The following NAV2 variants were observed in gnomAD, a reference collection of about 807,000 sequenced individuals.
The protein encoded by NAV2 is neuron navigator 2.
A neutral mutation model predicts 223.2 loss-of-function variants in NAV2; 54 were observed. The ratio of observed to expected loss-of-function variants is 0.24; its 90% CI spans 0.19 to 0.30. NAV2 has a LOEUF of 0.30. Ranked by LOEUF, NAV2 falls within the 10% of genes least tolerant of loss-of-function variation. The pLI is 1.00. For synonymous variants in NAV2, 1,279 were observed against 1,239.3 expected (o/e 1.03, Z -0.67); for missense variants, 2,806 against 3,147.5 (o/e 0.89, Z 2.60).
In NAV2 at chr11:19,944,602, C is replaced by A. The variant is rs139749333; in HGVS notation, c.2147-1799C>A. 2.1e-3 allele frequency among the ~76,000 whole-genome samples: 291 copies of A among 139,792 alleles called. 2 individuals carry two copies. The highest frequency in any genetic ancestry group is 7.2e-3 in the African/African-American group (273 of 37,710). 91.7% of individuals were successfully genotyped at this position (139,792 alleles called of 152,430 possible). ...TCCATTTCCATTTTCCTTTCCTTTC[C>A]TTTCTTTCTTCTTTCTTTTTCTTTT... is the stretch of plus-strand genomic sequence containing the variant. On this transcript the variant is annotated intron_variant, in intron 8 of 37. Coordinates refer to ENST00000349880, the MANE Select transcript of NAV2 (RefSeq NM_145117.5).
rs1314069268 is a variant in NAV2, at chr11:20,120,075, T to C, written c.*1817T>C. 1 of 152,210 alleles carries C rather than the reference T, an allele frequency of 6.6e-6. No homozygotes were observed. The highest frequency in any genetic ancestry group is 2.4e-5 in the African/African-American group (1 of 41,452). The allele number at this position is 152,210 out of a possible 1,614,324, so 9.4% of individuals were successfully genotyped here. A position where few individuals can be genotyped will look rare whatever the true frequency, so the allele number is the denominator to read the frequency against. On this transcript the variant is annotated 3_prime_UTR_variant, in exon 38 of 38. Transcript: ENST00000349880. ...TCCTTATTGGACACCAGTGAAGGTG[T>C]CTCTGTTTTAATGATCAGGGTTTTT...
intron 10 of NAV2, among the ~76,000 whole-genome samples, chr11:19,956,831 C>A (rs2047926264): frequency 6.6e-6 from 1 of 152,158 alleles, no homozygotes; most frequent in Non-Finnish European, 1.5e-5. Flanking sequence ...GCCTTACTGT[C>A]TCCTTACTGT....
At chr11:20,114,409 C>T in intron 36 of NAV2, 183 bp from the exon 37 acceptor site, 1 of 618,990 alleles carries the variant, frequency 1.6e-6, no homozygotes, top group South Asian at 1.9e-5. Context: ...ATGCTGCCTT[C>T]AGCCTTAGCA....
At chr11:19,544,518 A>G (rs763181562) in intron 1 of NAV2, among the ~76,000 whole-genome samples, 1 of 152,156 alleles carries the variant, frequency 6.6e-6, no homozygotes, top group Non-Finnish European at 1.5e-5. Flanking sequence ...TATTCCACAC[A>G]TGGGAAATTA....
chr11:19,346,280 G>C (rs189977326), upstream of NAV2, among the ~76,000 whole-genome samples: 75 of 152,264 alleles, frequency 4.9e-4, 1 homozygote, highest in East Asian at 0.014. Flanking sequence ...TGCTTGTGTC[G>C]GTCTGTGCCT....
chr11:19,432,441 G>T (rs1431985544), intron 1 of NAV2, among the ~76,000 whole-genome samples: 1 of 152,206 alleles, frequency 6.6e-6, no homozygotes, highest in Admixed American at 6.5e-5. Context: ...TAAGGGAAAA[G>T]ATCATATTCT....
intron 1 of NAV2, among the ~76,000 whole-genome samples, chr11:19,765,698 G>A (rs2055169912): frequency 6.6e-6 from 1 of 152,018 alleles, no homozygotes; most frequent in African/African-American, 2.4e-5. Flanking sequence ...TGGCTGTTTG[G>A]GGGCACACTG....
chr11:19,976,770 C>T (rs2049796959), intron 10 of NAV2, among the ~76,000 whole-genome samples: 1 of 152,194 alleles, frequency 6.6e-6, no homozygotes, highest in Non-Finnish European at 1.5e-5. Context: ...GCTGGTGCCC[C>T]TTCAACTGTG....
At chr11:20,029,243 A>G (rs2245449) in intron 11 of NAV2, among the ~76,000 whole-genome samples, 3,246 of 152,286 alleles carry the variant, frequency 0.021, 108 homozygotes, top group African/African-American at 0.074. Flanking sequence ...AGAAGAGAAG[A>G]CTGGGGCCTG....
At chr11:19,716,813 A>T (rs1006227256) in intron 1 of NAV2, among the ~76,000 whole-genome samples, 2 of 152,250 alleles carry the variant, frequency 1.3e-5, no homozygotes, top group Admixed American at 6.5e-5. Flanking sequence ...AAATCCTTAT[A>T]TATCACTTTC....
chr11:19,852,181 TAA>T (rs1483156389), intron 3 of NAV2, among the ~76,000 whole-genome samples: 1 of 152,236 alleles, frequency 6.6e-6, no homozygotes, highest in African/African-American at 2.4e-5. Flanking sequence ...TTTAAGCCAC[TAA>T]GTTTGTGGTT....
intron 11 of NAV2, among the ~76,000 whole-genome samples, chr11:19,985,450 C>T (rs2050696114): frequency 6.6e-6 from 1 of 152,136 alleles, no homozygotes; most frequent in South Asian, 2.1e-4. Flanking sequence ...AAAGGCCTTC[C>T]ACTAGGGTTC....
At chr11:19,672,176 G>T (rs998067253) in intron 1 of NAV2, among the ~76,000 whole-genome samples, 1 of 152,204 alleles carries the variant, frequency 6.6e-6, no homozygotes, top group Non-Finnish European at 1.5e-5. Context: ...GAGTTGCCGA[G>T]CATGCTTCCA....
chr11:19,870,500 C>T (rs1197825281), intron 4 of NAV2, among the ~76,000 whole-genome samples: 1 of 152,108 alleles, frequency 6.6e-6, no homozygotes, highest in Non-Finnish European at 1.5e-5. Flanking sequence ...CTCTGCAGGC[C>T]TGCTTCATCC....
rs192176214 is a variant in NAV2 at position 19,413,431 on chromosome 11, G to A, written c.75+62404G>A. Reference sequence around the variant, plus strand: ...CAAGAAATATGGGACTATGTGAAAAGACCAAACCTACGTTTGATTGGTGTA... The same window carrying A: ...CAAGAAATATGGGACTATGTGAAAAAACCAAACCTACGTTTGATTGGTGTA... On this transcript the variant is annotated intron_variant, in intron 1 of 37. Coordinates refer to the NAV2 transcript ENST00000360655. 7.3e-4 allele frequency among the ~76,000 whole-genome samples: 111 copies of A among 152,270 alleles called. 1 individual carries two copies. The highest frequency in any genetic ancestry group is 2.6e-3 in the African/African-American group (110 of 41,564).
chr11:19,487,382 C>A (rs1417187208), intron 1 of NAV2, among the ~76,000 whole-genome samples: 3 of 152,144 alleles, frequency 2.0e-5, no homozygotes, highest in Non-Finnish European at 4.4e-5. Flanking sequence ...TCCAATGATC[C>A]CTGCCTCCAG....
chr11:19,898,779 T>G (rs2042207975), intron 6 of NAV2, among the ~76,000 whole-genome samples: 1 of 152,212 alleles, frequency 6.6e-6, no homozygotes, highest in Non-Finnish European at 1.5e-5. Context: ...CAACAAGATA[T>G]GAGAGGGCTA....
chr11:19,837,628 C>T (rs901316182), intron 2 of NAV2, among the ~76,000 whole-genome samples: 3 of 151,814 alleles, frequency 2.0e-5, no homozygotes, highest in African/African-American at 7.3e-5. Flanking sequence ...AAACCTGAAA[C>T]TAATCATAAG....
intron 1 of NAV2, among the ~76,000 whole-genome samples, chr11:19,386,053 C>A (rs973319469): frequency 1.3e-5 from 2 of 152,168 alleles, no homozygotes; most frequent in African/African-American, 4.8e-5. Flanking sequence ...CGTGAGCCAC[C>A]ACACCCAGCC....
Sources: allele counts gnomAD v4.1 joint callset (sites outside exome capture counted in the v4.1 genomes callset), GRCh38; gene constraint gnomAD v4.1.1; transcripts MANE v1.5; gene names NCBI Gene and HGNC (gene_info 2026-07-23, HGNC 2026-07-21).